Variants in NTM observed in about 807,000 individuals in gnomAD.
NTM encodes the protein neurotrimin, also known as IgLON family member 2.
Under a neutral mutation model 42.1 loss-of-function variants are expected in NTM, and 13 were observed. The observed-to-expected ratio is 0.31, with a 90% CI of 0.20 to 0.49. NTM has a LOEUF of 0.49. NTM is among the 20% of genes least tolerant of loss of function. The pLI, the probability that NTM is intolerant of heterozygous loss-of-function variation, is 0.99. For synonymous variants in NTM, 187 were observed against 179.2 expected, an observed-to-expected ratio of 1.04 and a Z score of -0.35; for missense variants, 373 against 452.8, an observed-to-expected ratio of 0.82 and a Z score of 1.60.
chr11:131,956,165 G>T (rs1044256644), intron 2 of NTM, among the ~76,000 whole-genome samples: 4 of 152,156 alleles, frequency 2.6e-5, no homozygotes, highest in African/African-American at 9.7e-5. Flanking sequence ...CCCAGTCAGG[G>T]CCAGGCGCAG....
intron 1 of NTM, among the ~76,000 whole-genome samples, chr11:131,905,258 C>T (rs12293334): frequency 6.6e-6 from 1 of 152,156 alleles, no homozygotes; most frequent in South Asian, 2.1e-4. Flanking sequence ...TATTTGACTT[C>T]TGGTCTGAGT....
At chr11:131,940,100 G>A (rs1474859777) in intron 2 of NTM, among the ~76,000 whole-genome samples, 1 of 152,230 alleles carries the variant, frequency 6.6e-6, no homozygotes, top group Non-Finnish European at 1.5e-5. Flanking sequence ...TTTTCTCACT[G>A]TTTTTAGTCT....
intron 1 of NTM, among the ~76,000 whole-genome samples, chr11:131,577,938 A>C (rs1352026771): frequency 1.3e-5 from 2 of 152,246 alleles, no homozygotes; most frequent in Non-Finnish European, 2.9e-5. Flanking sequence ...GCAATGACAA[A>C]GAAGTTTACA....
At chr11:131,638,563 CAAAAAA>C (rs58374119) in intron 1 of NTM, among the ~76,000 whole-genome samples, 6 of 53,330 alleles carry the variant, frequency 1.1e-4, no homozygotes, top group African/African-American at 4.1e-4. Context: ...GAGACTCCTT[CAAAAAA>C]AAAAAAAAAA....
intron 1 of NTM, among the ~76,000 whole-genome samples, chr11:131,799,957 C>T (rs1262651782): frequency 6.6e-6 from 1 of 151,962 alleles, no homozygotes; most frequent in Admixed American, 6.5e-5. Context: ...AACTCCTTGC[C>T]TTTATTTGAA....
intron 3 of NTM, among the ~76,000 whole-genome samples, chr11:132,157,089 A>G (rs1401738044): frequency 6.6e-6 from 1 of 152,248 alleles, no homozygotes; most frequent in Non-Finnish European, 1.5e-5. Flanking sequence ...ATTTCAGCCT[A>G]GTGAGAGTCA....
At chr11:131,464,157 C>T (rs1239844360) in intron 1 of NTM, among the ~76,000 whole-genome samples, 2 of 152,046 alleles carry the variant, frequency 1.3e-5, no homozygotes, top group African/African-American at 4.8e-5. Context: ...GACGTGGCTG[C>T]AGGAAGCTGG....
chr11:131,529,341 C>G (rs146316332), intron 1 of NTM, among the ~76,000 whole-genome samples: 1 of 152,130 alleles, frequency 6.6e-6, no homozygotes, highest in Non-Finnish European at 1.5e-5. Flanking sequence ...TGAGTGGAAC[C>G]CTTAGGTTGT....
chr11:131,382,357 T>G (rs1208249837), intron 1 of NTM, among the ~76,000 whole-genome samples: 1 of 152,160 alleles, frequency 6.6e-6, no homozygotes, highest in African/African-American at 2.4e-5. Flanking sequence ...CACATGGACT[T>G]GCTGTTTGGG....
At chr11:131,460,048 C>T (rs993886048) in intron 1 of NTM, among the ~76,000 whole-genome samples, 1 of 152,078 alleles carries the variant, frequency 6.6e-6, no homozygotes, top group African/African-American at 2.4e-5. Flanking sequence ...TATGATGTGT[C>T]GTTAGTGTGT....
chr11:131,992,445 C>T (rs1056174403), intron 2 of NTM, among the ~76,000 whole-genome samples: 1 of 151,594 alleles, frequency 6.6e-6, no homozygotes, highest in African/African-American at 2.4e-5. Flanking sequence ...CTCCTCACCC[C>T]CACATTGTTC....
intron 1 of NTM, among the ~76,000 whole-genome samples, chr11:131,636,281 C>A (rs1485882407): frequency 6.6e-6 from 1 of 152,096 alleles, no homozygotes. Flanking sequence ...ACATTTTTTC[C>A]GTCTGTACAA....
chr11:131,616,143 T>A (rs955662596), intron 1 of NTM, among the ~76,000 whole-genome samples: 1 of 152,144 alleles, frequency 6.6e-6, no homozygotes, highest in Non-Finnish European at 1.5e-5. Flanking sequence ...TAGCAAATCA[T>A]CTACAAATAA....
intron 2 of NTM, among the ~76,000 whole-genome samples, chr11:132,069,995 TAACACG>T: frequency 1.5e-5 from 2 of 136,662 alleles, no homozygotes; most frequent in African/African-American, 5.9e-5. Flanking sequence ...ACAGGTTAGT[TAACACG>T]TCACACAGCC....
rs572539891 is a variant in NTM at position 131,377,838 on chromosome 11, C to T, written c.82+6950C>T. Among the ~76,000 whole-genome samples the T allele has an allele frequency of 1.8e-4, 27 of 152,268 alleles. No homozygotes were observed. The South Asian group carries it at 4.0e-3, about 22-fold the overall frequency. ...GGGAGGGCTGCTGCTATCTGCATTTCCATCACGGTGGTGGTGATCATGCCT... is the reference window on the plus strand; with the variant it reads ...GGGAGGGCTGCTGCTATCTGCATTTTCATCACGGTGGTGGTGATCATGCCT... On this transcript the variant is annotated intron_variant, in intron 1 of 8. Coordinates refer to ENST00000683400, the MANE Select transcript of NTM (RefSeq NM_001352005.2).
At chr11:132,289,011 CAGTCCT>C (rs2094357101) in intron 4 of NTM, among the ~76,000 whole-genome samples, 5 of 152,196 alleles carry the variant, frequency 3.3e-5, no homozygotes, top group South Asian at 2.1e-4. Flanking sequence ...ACCTAAAACT[CAGTCCT>C]AGTTTTTCTT....
At chr11:131,973,833 A>G (rs986312961) in intron 2 of NTM, among the ~76,000 whole-genome samples, 15 of 152,230 alleles carry the variant, frequency 9.9e-5, no homozygotes, top group African/African-American at 2.4e-4. Flanking sequence ...ACAACAACGA[A>G]AAAAGAAGAG....
At chr11:132,098,997 G>A (rs965714014) in intron 2 of NTM, among the ~76,000 whole-genome samples, 2 of 152,194 alleles carry the variant, frequency 1.3e-5, no homozygotes, top group Non-Finnish European at 2.9e-5. Context: ...TTTATAAAAG[G>A]AGCAAATCCC....
At chr11:131,690,178 G>A (rs998937058) in intron 1 of NTM, among the ~76,000 whole-genome samples, 1 of 152,210 alleles carries the variant, frequency 6.6e-6, no homozygotes, top group Admixed American at 6.5e-5. Context: ...GAATCCAGAT[G>A]AGAGGAGAGA....
Sources: gnomAD v4.1 joint callset for allele counts (sites outside exome capture counted in the v4.1 genomes callset) on GRCh38, gnomAD v4.1.1 for gene constraint, MANE v1.5 for transcripts, NCBI Gene and HGNC (gene_info 2026-07-23, HGNC 2026-07-21) for gene names.